The following EIF3J variants were observed in gnomAD, a reference collection of about 807,000 sequenced individuals.
EIF3J encodes the protein eukaryotic translation initiation factor 3, subunit 1 (alpha, 35kD).
Under a neutral mutation model 39.0 loss-of-function variants are expected in EIF3J, and 15 were observed. That is an observed-to-expected ratio of 0.38 (90% CI 0.26 to 0.59). The LOEUF is 0.59. Among genes scored for constraint, EIF3J ranks in the 20% least tolerant of loss-of-function variants. The pLI, the probability that EIF3J is intolerant of heterozygous loss-of-function variation, is 0.60. For missense variants in EIF3J, 226 were observed against 308.6 expected (o/e 0.73, Z 2.00); for synonymous variants, 98 against 112.9 (o/e 0.87, Z 0.84).
At chr15:44,551,043 A>G in intron 3 of EIF3J, 113 bp downstream of exon 3, 2 of 1,439,590 alleles carry the variant, frequency 1.4e-6, no homozygotes, top group Non-Finnish European at 9.2e-7. Context: ...GTATTTAGAA[A>G]CCAAGTGTCC....
chr15:44,560,387 A>G (rs2140904309), intron 7 of EIF3J, 65 bp downstream of exon 7: 2 of 1,448,974 alleles, frequency 1.4e-6, no homozygotes, highest in Non-Finnish European at 1.9e-6. Context: ...CTAACAGTCA[A>G]CAAATATAAT....
In EIF3J at chr15:44,550,906, AAAG is replaced by A. The variant is rs1476467445; in HGVS notation, c.180_182del (p.Glu62del). The A allele has an allele frequency of 2.5e-6, 4 of 1,610,446 alleles. No homozygotes were observed. In the Admixed American group the frequency reaches 6.7e-5, roughly 27 times the overall value. On this transcript the variant is annotated inframe_deletion, in exon 3 of 8. Transcript: ENST00000261868. Reference sequence around the variant, plus strand: ...CTGGGATGACGATGATGATGAAAAAAAAGAGGAAGCAGAAGTAAAACCAGGTGA... The same window carrying A: ...CTGGGATGACGATGATGATGAAAAAAAGGAAGCAGAAGTAAAACCAGGTGA...
Position 44,556,573 on chromosome 15 carries a change from C to G in EIF3J, c.410-916C>G, listed in dbSNP as rs1242722907. ...CCAGGCTGGAGTGCAGTGGTGCAGT[C>G]TCGGCTCATTGTAACCTCCGCCTCC... On this transcript the variant is annotated intron_variant, in intron 5 of 7. Coordinates refer to ENST00000261868, the MANE Select transcript of EIF3J (RefSeq NM_003758.4). Among the ~76,000 whole-genome samples, 4 of 152,088 alleles carry G rather than the reference C, an allele frequency of 2.6e-5. No individual in the cohort carries two copies. In the South Asian group the frequency reaches 8.3e-4, roughly 32 times the overall value.
At chr15:44,553,222 G>A (rs1408110817) in intron 4 of EIF3J, among the ~76,000 whole-genome samples, 2 of 151,938 alleles carry the variant, frequency 1.3e-5, no homozygotes, top group Non-Finnish European at 2.9e-5. Flanking sequence ...GCCAGGCGTG[G>A]TGGCTCACGC....
chr15:44,557,815 T>C, intron 6 of EIF3J, 165 bp downstream of exon 6: 1 of 434,260 alleles, frequency 2.3e-6, no homozygotes, highest in Non-Finnish European at 3.8e-6. Context: ...TACAGTGAAT[T>C]TGAGTGCTGG....
At chr15:44,538,842 A>G (rs2081983818) in intron 2 of EIF3J, among the ~76,000 whole-genome samples, 2 of 152,302 alleles carry the variant, frequency 1.3e-5, no homozygotes, top group Non-Finnish European at 2.9e-5. Flanking sequence ...GCATATAGGA[A>G]GTGGCAGTTA....
chr15:44,551,061 C>A (rs2082094952), intron 3 of EIF3J, 131 bp downstream of exon 3: 6 of 1,378,344 alleles, frequency 4.4e-6, no homozygotes, highest in Non-Finnish European at 5.8e-6. Context: ...TCCTTCCATT[C>A]CCACTTTATT....
chr15:44,551,221 T>TG (rs753158400), intron 3 of EIF3J, among the ~76,000 whole-genome samples: 14 of 152,224 alleles, frequency 9.2e-5, no homozygotes, highest in Non-Finnish European at 2.1e-4. Flanking sequence ...TATAGGACGG[T>TG]GGGGAAATAT....
At chr15:44,551,599 A>G in intron 4 of EIF3J, 77 bp downstream of exon 4, 1 of 1,042,378 alleles carries the variant, frequency 9.6e-7, no homozygotes, top group Non-Finnish European at 1.4e-6. Context: ...AATATTACCT[A>G]GGAATTTGAA....
chr15:44,551,534 T>A lies in EIF3J; in HGVS notation c.294+12T>A. ...AAATTAAAAAGAGGGTAAATTCTGT[T>A]TTCTAAAATACAGAATTCTCACATC... is the stretch of plus-strand genomic sequence containing the variant. On this transcript the variant is annotated intron_variant, in intron 4 of 7. Transcript: ENST00000261868. The A allele has an allele frequency of 1.3e-6, 2 of 1,558,874 alleles. No individual in the cohort carries two copies. The highest frequency in any genetic ancestry group is 1.7e-6 in the Non-Finnish European group (2 of 1,149,086).
intron 2 of EIF3J, among the ~76,000 whole-genome samples, chr15:44,549,409 AAACAAAAC>A (rs1445589498): frequency 1.3e-5 from 2 of 151,944 alleles, no homozygotes; most frequent in Non-Finnish European, 1.5e-5. Flanking sequence ...AAACAAAACA[AAACAAAAC>A]AACAAAAAAA....
chr15:44,547,890 A>G (rs1286966593), intron 2 of EIF3J, among the ~76,000 whole-genome samples: 1 of 152,232 alleles, frequency 6.6e-6, no homozygotes, highest in African/African-American at 2.4e-5. Context: ...AGTAAGAACT[A>G]TAAAGTTCTC....
intron 2 of EIF3J, 63 bp from the exon 3 acceptor site, chr15:44,550,813 A>T (rs974681607): frequency 9.2e-5 from 105 of 1,138,944 alleles, no homozygotes; most frequent in Non-Finnish European, 2.9e-5. Context: ...AGTCAAGTTG[A>T]TAATAAAGTT....
rs1183713485 is a variant in EIF3J, at chr15:44,550,943, G to C, written c.202+13G>C. The stretch of plus-strand genomic sequence containing the variant: ...GAAGTAAAACCAGGTGAGCCACTGG[G>C]GCGCCTCCATTTTTGTTTTTATGTC... On this transcript the variant is annotated intron_variant, in intron 3 of 7. Coordinates refer to ENST00000261868, the MANE Select transcript of EIF3J (RefSeq NM_003758.4). 6.2e-7 allele frequency: 1 copy of C among 1,602,368 alleles called. No homozygotes were observed. The highest frequency in any genetic ancestry group is 8.5e-7 in the Non-Finnish European group (1 of 1,173,984).
intron 7 of EIF3J, chr15:44,560,604 A>T: frequency 2.6e-6 from 1 of 385,448 alleles, no homozygotes. Context: ...TCTAAGCTTC[A>T]GTCTTCTCCC....
chr15:44,543,682 G>C (rs2082030123), intron 2 of EIF3J, among the ~76,000 whole-genome samples: 1 of 152,188 alleles, frequency 6.6e-6, no homozygotes, highest in Non-Finnish European at 1.5e-5. Flanking sequence ...AAAGTGCTGG[G>C]ATTACAGGCA....
intron 5 of EIF3J, among the ~76,000 whole-genome samples, chr15:44,556,103 G>T (rs1026044548): frequency 6.6e-5 from 10 of 152,134 alleles, no homozygotes; most frequent in African/African-American, 2.4e-4. Context: ...CTGAGCTCAA[G>T]TGATCTGCCG....
chr15:44,550,866 T>C lies in EIF3J; in HGVS notation c.148-10T>C. 1 of 1,576,938 alleles carries C rather than the reference T, an allele frequency of 6.3e-7. No homozygotes were observed. Among genetic ancestry groups the C allele is most frequent in the Admixed American group, 1.7e-5 (1 of 58,564 alleles). On this transcript the variant is annotated splice_polypyrimidine_tract_variant and intron_variant, in intron 2 of 7. Coordinates refer to ENST00000261868, the MANE Select transcript of EIF3J (RefSeq NM_003758.4). Reference sequence around the variant, plus strand: ...ATGCAAGAATTATTAATGGAAGTCCTTTTCTTTAGGATAACTGGGATGACG... The same window carrying C: ...ATGCAAGAATTATTAATGGAAGTCCCTTTCTTTAGGATAACTGGGATGACG...
intron 3 of EIF3J, 114 bp downstream of exon 3, chr15:44,551,044 C>G (rs776180072): frequency 2.8e-6 from 4 of 1,436,822 alleles, no homozygotes; most frequent in Non-Finnish European, 3.7e-6. Flanking sequence ...TATTTAGAAA[C>G]CAAGTGTCCT....
Sources: gnomAD v4.1 joint callset for allele counts (sites outside exome capture counted in the v4.1 genomes callset) on GRCh38, gnomAD v4.1.1 for gene constraint, MANE v1.5 for transcripts, NCBI Gene and HGNC (gene_info 2026-07-23, HGNC 2026-07-21) for gene names.